The following FBN1 variants were observed in gnomAD, a reference collection of about 807,000 sequenced individuals.
FBN1 encodes fibrillin-1.
In FBN1, 29 loss-of-function variants were observed where a neutral mutation model predicts 365.1. That is an observed-to-expected ratio of 0.08 (90% CI 0.06 to 0.11). The LOEUF is 0.11. FBN1 is among the 10% of genes least tolerant of loss of function. The pLI, the probability that FBN1 is intolerant of heterozygous loss-of-function variation, is 1.00. For synonymous variants in FBN1, 1,210 were observed against 1,270.5 expected (o/e 0.95, Z 1.01); for missense variants, 2,476 against 3,703.2 (o/e 0.67, Z 8.60).
At chr15:48,504,345 C>G (rs1352309377) in intron 16 of FBN1, among the ~76,000 whole-genome samples, 2 of 152,068 alleles carry the variant, frequency 1.3e-5, no homozygotes, top group African/African-American at 4.8e-5. Context: ...GCGGCCTATC[C>G]CAAAATAAAC....
intron 47 of FBN1, among the ~76,000 whole-genome samples, chr15:48,446,413 T>C (rs1432162197): frequency 6.6e-6 from 1 of 152,182 alleles, no homozygotes; most frequent in Non-Finnish European, 1.5e-5. Flanking sequence ...ATTTATAAAT[T>C]AAACTTTAGG....
At chr15:48,421,764 G>C in intron 61 of FBN1, 78 bp from the exon 62 acceptor site, 1 of 1,547,626 alleles carries the variant, frequency 6.5e-7, no homozygotes, top group Non-Finnish European at 8.8e-7. Flanking sequence ...AAAATTAGAA[G>C]GATAACTCGG....
chr15:48,538,105 T>A (rs919589340), intron 6 of FBN1, among the ~76,000 whole-genome samples: 4 of 152,228 alleles, frequency 2.6e-5, no homozygotes, highest in Non-Finnish European at 4.4e-5. Flanking sequence ...TATACAAATG[T>A]AACATGGTAA....
chr15:48,535,669 GAA>G (rs2044007362), intron 7 of FBN1, among the ~76,000 whole-genome samples: 3 of 152,186 alleles, frequency 2.0e-5, no homozygotes, highest in African/African-American at 7.2e-5. Context: ...GTGTTCTTGA[GAA>G]AAGTCAGCAT....
chr15:48,469,446 A>G (rs2043353135), intron 36 of FBN1, among the ~76,000 whole-genome samples: 1 of 152,056 alleles, frequency 6.6e-6, no homozygotes, highest in Non-Finnish European at 1.5e-5. Context: ...TTCTATTCCA[A>G]AAATATGTAC....
chr15:48,622,789 C>T (rs1289447756), intron 2 of FBN1, among the ~76,000 whole-genome samples: 1 of 152,024 alleles, frequency 6.6e-6, no homozygotes, highest in African/African-American at 2.4e-5. Context: ...TCTTCTTCAC[C>T]GTCTCAGCCC....
At position 48,432,996 on chromosome 15, in the gene FBN1, A is replaced by T; in HGVS notation, c.6617-8T>A. On this transcript the variant is annotated splice_region_variant and splice_polypyrimidine_tract_variant and intron_variant, in intron 54 of 65. Transcript: ENST00000316623. ...GGGCACATTCATTTATATCTGCAGC[A>T]GAGGAGAGTAAGTAAATAAGGGATC... The T allele has an allele frequency of 6.2e-7, 1 of 1,613,136 alleles. No individual in the cohort carries two copies. The highest frequency in any genetic ancestry group is 8.5e-7 in the Non-Finnish European group (1 of 1,179,456).
rs201851454 is a variant in FBN1, at chr15:48,544,247, G to GC, written c.539-6440dup. Among the ~76,000 whole-genome samples, 1,148 of 152,076 alleles carry GC rather than the reference G, an allele frequency of 7.5e-3. 22 individuals carry two copies. The highest frequency in any genetic ancestry group is 0.026 in the African/African-American group (1,098 of 41,488). On this transcript the variant is annotated intron_variant, in intron 6 of 65. Coordinates refer to ENST00000316623, the MANE Select transcript of FBN1 (RefSeq NM_000138.5). Reference sequence around the variant, plus strand: ...GGTTTGAATATACTTTCCAATCCATGCATTTATATAAAATACTGCACACAA... The same window carrying GC: ...GGTTTGAATATACTTTCCAATCCATGCCATTTATATAAAATACTGCACACAA...
intron 6 of FBN1, among the ~76,000 whole-genome samples, chr15:48,554,982 A>C (rs1414694410): frequency 3.9e-5 from 6 of 152,212 alleles, no homozygotes; most frequent in Non-Finnish European, 8.8e-5. Context: ...TTTATACCCA[A>C]CATGCATCAT....
intron 34 of FBN1, among the ~76,000 whole-genome samples, chr15:48,473,807 C>T (rs543085258): frequency 7.1e-6 from 1 of 141,150 alleles, no homozygotes; most frequent in South Asian, 2.2e-4. Context: ...GAGAAATAGG[C>T]AAAAAAAAAA....
chr15:48,446,594 A>G, intron 47 of FBN1, 112 bp downstream of exon 47: 1 of 768,158 alleles, frequency 1.3e-6, no homozygotes, highest in South Asian at 1.4e-5. Context: ...ATTGTTATGC[A>G]TAAGATAGCA....
intron 6 of FBN1, among the ~76,000 whole-genome samples, chr15:48,561,035 A>G (rs2044218808): frequency 6.6e-6 from 1 of 152,204 alleles, no homozygotes; most frequent in African/African-American, 2.4e-5. Context: ...CATCAGTATT[A>G]TTACAGACTA....
intron 6 of FBN1, among the ~76,000 whole-genome samples, chr15:48,547,909 A>C (rs2044108495): frequency 6.6e-6 from 1 of 152,162 alleles, no homozygotes; most frequent in South Asian, 2.1e-4. Flanking sequence ...AACTCAGCTG[A>C]AGAAAGACAA....
intron 35 of FBN1, among the ~76,000 whole-genome samples, chr15:48,471,174 A>C (rs2043372450): frequency 6.6e-6 from 1 of 152,060 alleles, no homozygotes; most frequent in South Asian, 2.1e-4. Context: ...TGTCATAATT[A>C]GTTGCATAAT....
chr15:48,586,280 C>T (rs1485009056), intron 6 of FBN1, among the ~76,000 whole-genome samples: 3 of 145,572 alleles, frequency 2.1e-5, no homozygotes, highest in Non-Finnish European at 3.0e-5. Flanking sequence ...GGGTGGGGTC[C>T]GGGAGGCCAG....
In FBN1 at chr15:48,557,491, G is replaced by A. The variant is rs776696656; in HGVS notation, c.539-19683C>T. Among the ~76,000 whole-genome samples the A allele has an allele frequency of 2.6e-5, 4 of 152,166 alleles. No individual in the cohort carries two copies. The East Asian group carries it at 5.8e-4, about 22-fold the overall frequency. On this transcript the variant is annotated intron_variant, in intron 6 of 65. Coordinates refer to ENST00000316623, the MANE Select transcript of FBN1 (RefSeq NM_000138.5). ...CACCTTGGAACACGCTGAGGATGGC[G>A]TCAAGAAAGCCAGGTTTAAACCAGG...
chr15:48,631,560 G>A (rs1220929897), intron 2 of FBN1, among the ~76,000 whole-genome samples: 2 of 152,166 alleles, frequency 1.3e-5, no homozygotes, highest in African/African-American at 4.8e-5. Context: ...CATGGTTCAG[G>A]CAGGACTAAC....
At chr15:48,567,999 A>AAGAAAGAAAGAC (rs1491237084) in intron 6 of FBN1, among the ~76,000 whole-genome samples, 1 of 29,584 alleles carries the variant, frequency 3.4e-5, no homozygotes, top group Non-Finnish European at 7.6e-5. Context: ...GTATACAGAT[A>AAGAAAGAAAGAC]AGAAAGAAAG....
intron 9 of FBN1, among the ~76,000 whole-genome samples, chr15:48,523,710 TGGGG>T (rs537924722): frequency 0.018 from 1,433 of 81,724 alleles, 121 homozygotes; most frequent in African/African-American, 0.083. Flanking sequence ...CAAGGGTGGC[TGGGG>T]GGGGGGGGGA....
Sources: allele counts gnomAD v4.1 joint callset (sites outside exome capture counted in the v4.1 genomes callset), GRCh38; gene constraint gnomAD v4.1.1; transcripts MANE v1.5; gene names NCBI Gene and HGNC (gene_info 2026-07-23, HGNC 2026-07-21).